The following ATP10B variants were observed in gnomAD, a reference collection of about 807,000 sequenced individuals.
ATP10B encodes ATPase phospholipid transporting 10B (putative).
Under a neutral mutation model 141.2 loss-of-function variants are expected in ATP10B, and 122 were observed. The observed-to-expected ratio is 0.86, with a 90% CI of 0.75 to 1.00. ATP10B has a LOEUF of 1.00. Among genes scored for constraint, ATP10B ranks in the 50% least tolerant of loss-of-function variants. The pLI is 0.00. For missense variants in ATP10B, 1,876 were observed against 1,825.3 expected (o/e 1.03, Z -0.51); for synonymous variants, 685 against 692.0 (o/e 0.99, Z 0.16).
chr5:160,812,731 A>C (rs887883693), intron 1 of ATP10B, among the ~76,000 whole-genome samples: 2 of 70,126 alleles, frequency 2.9e-5, no homozygotes, highest in African/African-American at 6.6e-5. Flanking sequence ...AAAAAGAATA[A>C]AAAAGAATAA....
intron 1 of ATP10B, among the ~76,000 whole-genome samples, chr5:160,813,648 C>G (rs1385719329): frequency 6.6e-6 from 1 of 152,216 alleles, no homozygotes. Flanking sequence ...GTTCTCCCAG[C>G]ACGCAGCTGG....
intron 8 of ATP10B, among the ~76,000 whole-genome samples, chr5:160,648,573 A>G (rs1760463830): frequency 6.6e-6 from 1 of 152,226 alleles, no homozygotes; most frequent in African/African-American, 2.4e-5. Flanking sequence ...GAATAAGAAT[A>G]ACAATTATCC....
chr5:160,905,855 C>T, the ATP10B span, among the ~76,000 whole-genome samples: 1 of 152,018 alleles, frequency 6.6e-6, no homozygotes, highest in Non-Finnish European at 1.5e-5. Flanking sequence ...TATGCTTAGC[C>T]TCTTTCAAAC....
chr5:160,852,391 C>T (rs1372224731), upstream of ATP10B, among the ~76,000 whole-genome samples: 2 of 152,216 alleles, frequency 1.3e-5, no homozygotes, highest in East Asian at 3.9e-4. Context: ...ACGCATGGTA[C>T]AAAATGACTT....
intron 3 of ATP10B, among the ~76,000 whole-genome samples, chr5:160,699,941 T>A (rs1296564831): frequency 6.6e-6 from 1 of 152,134 alleles, no homozygotes; most frequent in Non-Finnish European, 1.5e-5. Flanking sequence ...TTAAAATTGT[T>A]AGTGAAACTT....
the ATP10B span, among the ~76,000 whole-genome samples, chr5:160,882,324 T>C: frequency 2.0e-5 from 3 of 152,178 alleles, no homozygotes; most frequent in Non-Finnish European, 2.9e-5. Context: ...GTGGGGGATG[T>C]TGATAATGGG....
chr5:160,704,964 G>A (rs924953386), intron 3 of ATP10B, among the ~76,000 whole-genome samples: 1 of 101,600 alleles, frequency 9.8e-6, no homozygotes, highest in African/African-American at 4.3e-5. Flanking sequence ...TGTCACCCAG[G>A]TTGGAGTGCA....
chr5:160,720,704 C>G (rs981511526), intron 2 of ATP10B, among the ~76,000 whole-genome samples: 2 of 152,172 alleles, frequency 1.3e-5, no homozygotes, highest in African/African-American at 4.8e-5. Flanking sequence ...GTTTATAGCC[C>G]TCTCTTCCTG....
At chr5:160,866,266 A>G in the ATP10B span, among the ~76,000 whole-genome samples, 1 of 152,174 alleles carries the variant, frequency 6.6e-6, no homozygotes, top group African/African-American at 2.4e-5. Context: ...GCAGCAACTT[A>G]GATGGAGCTG....
chr5:160,567,609 G>T (rs189696320), intron 25 of ATP10B, among the ~76,000 whole-genome samples: 2 of 152,240 alleles, frequency 1.3e-5, no homozygotes, highest in East Asian at 1.9e-4. Flanking sequence ...GCTGAAAACT[G>T]CAGGATGCAT....
At chr5:160,819,798 C>T (rs1366219747) in intron 1 of ATP10B, among the ~76,000 whole-genome samples, 3 of 152,010 alleles carry the variant, frequency 2.0e-5, no homozygotes, top group Non-Finnish European at 4.4e-5. Flanking sequence ...TTGCAAGCCT[C>T]ATGGCACCCT....
intron 19 of ATP10B, among the ~76,000 whole-genome samples, chr5:160,606,451 G>T (rs987934543): frequency 1.3e-5 from 2 of 152,174 alleles, no homozygotes; most frequent in African/African-American, 4.8e-5. Flanking sequence ...GAATTAAGAT[G>T]ATCTGAATAT....
chr5:160,696,652 T>C (rs1403173647), intron 3 of ATP10B, among the ~76,000 whole-genome samples: 2 of 152,174 alleles, frequency 1.3e-5, no homozygotes, highest in Admixed American at 6.5e-5. Flanking sequence ...TATTTGTGGC[T>C]TACCTACTAA....
At chr5:160,905,212 G>A in the ATP10B span, among the ~76,000 whole-genome samples, 1 of 152,194 alleles carries the variant, frequency 6.6e-6, no homozygotes, top group Non-Finnish European at 1.5e-5. Context: ...TGGTACCAGA[G>A]TTTGTGTTCT....
chr5:160,663,925 C>A (rs1762150420), intron 7 of ATP10B, among the ~76,000 whole-genome samples: 1 of 152,154 alleles, frequency 6.6e-6, no homozygotes. Flanking sequence ...ATAATAAAAG[C>A]ACCTATTTTA....
chr5:160,627,837 T>C (rs1241006697), intron 13 of ATP10B, among the ~76,000 whole-genome samples: 2 of 152,206 alleles, frequency 1.3e-5, no homozygotes, highest in Non-Finnish European at 2.9e-5. Flanking sequence ...CTTGTGTATA[T>C]GCCATACTTG....
chr5:160,868,254 G>T, the ATP10B span, among the ~76,000 whole-genome samples: 3 of 151,982 alleles, frequency 2.0e-5, no homozygotes, highest in African/African-American at 7.3e-5. Flanking sequence ...GGATTCTCTG[G>T]CTTCCTGATT....
At chr5:160,618,001 G>T in intron 15 of ATP10B, 28 bp from the exon 16 acceptor site, 1 of 1,557,980 alleles carries the variant, frequency 6.4e-7, no homozygotes, top group East Asian at 2.2e-5. Flanking sequence ...TCCCGCATGA[G>T]GCCACATACA....
At chr5:160,754,929 C>T (rs1017238603) in intron 2 of ATP10B, among the ~76,000 whole-genome samples, 13 of 152,282 alleles carry the variant, frequency 8.5e-5, no homozygotes, top group African/African-American at 3.1e-4. Context: ...AGGTATAATA[C>T]ACTACACATA....
Sources: allele counts gnomAD v4.1 joint callset (sites outside exome capture counted in the v4.1 genomes callset), GRCh38; gene constraint gnomAD v4.1.1; transcripts MANE v1.5; gene names NCBI Gene and HGNC (gene_info 2026-07-23, HGNC 2026-07-21).